TFCP2L1: variants seen among roughly 807,000 people sequenced by gnomAD.
TFCP2L1 encodes the protein transcription factor CP2-like protein 1.
A neutral mutation model predicts 72.2 loss-of-function variants in TFCP2L1; 12 were observed. The ratio of observed to expected loss-of-function variants is 0.17; its 90% CI spans 0.11 to 0.27. The LOEUF (loss-of-function observed/expected upper bound fraction) is 0.27, where lower values mean the gene tolerates loss of function less well. TFCP2L1 is among the 10% of genes least tolerant of loss of function. TFCP2L1 has a pLI of 1.00. For missense variants in TFCP2L1, 488 were observed against 624.6 expected, an observed-to-expected ratio of 0.78 and a Z score of 2.33; for synonymous variants, 260 against 251.0, an observed-to-expected ratio of 1.04 and a Z score of -0.34.
At chr2:121,238,901 C>T (rs550827301) in intron 8 of TFCP2L1, among the ~76,000 whole-genome samples, 1 of 152,060 alleles carries the variant, frequency 6.6e-6, no homozygotes, top group Non-Finnish European at 1.5e-5. Context: ...CAAGCATGGG[C>T]TCTGACGAAC....
chr2:121,256,328 A>C (rs1300892030), intron 2 of TFCP2L1, among the ~76,000 whole-genome samples: 1 of 152,220 alleles, frequency 6.6e-6, no homozygotes, highest in Non-Finnish European at 1.5e-5. Flanking sequence ...GAAACAGAAC[A>C]ATAGGAAAGA....
chr2:121,242,162 T>A (rs1401360739), intron 7 of TFCP2L1, among the ~76,000 whole-genome samples, 197 bp downstream of exon 7: 1 of 149,840 alleles, frequency 6.7e-6, no homozygotes, highest in Non-Finnish European at 1.5e-5. Context: ...GAGCTGGAAG[T>A]TATTTCTGAA....
At chr2:121,272,192 G>C (rs1687060604) in intron 2 of TFCP2L1, among the ~76,000 whole-genome samples, 1 of 152,190 alleles carries the variant, frequency 6.6e-6, no homozygotes, top group Admixed American at 6.5e-5. Flanking sequence ...TGATATAAGA[G>C]GGAAGCCTGA....
At chr2:121,255,120 A>G (rs60211735) in intron 2 of TFCP2L1, among the ~76,000 whole-genome samples, 6,564 of 152,306 alleles carry the variant, frequency 0.043, 220 homozygotes, top group East Asian at 0.13. Flanking sequence ...CATCCCACCC[A>G]GTGGGTGTCA....
rs1685947184 is a variant in TFCP2L1, at chr2:121,222,642, G to C, written c.*1699C>G. On this transcript the variant is annotated 3_prime_UTR_variant, in exon 15 of 15. Transcript: ENST00000263707. The stretch of plus-strand genomic sequence containing the variant: ...TGGCTGCCTTGGACTGCAGGAGTTA[G>C]GAAAGCAGGAGTGACAGACCAAGGG... 6.6e-6 allele frequency: 1 copy of C among 152,230 alleles called. No individual in the cohort carries two copies. The highest frequency in any genetic ancestry group is 2.4e-5 in the African/African-American group (1 of 41,448). The allele number at this position is 152,230 out of a possible 1,614,324, so 9.4% of individuals were successfully genotyped here.
At chr2:121,271,670 T>C (rs1212618500) in intron 2 of TFCP2L1, among the ~76,000 whole-genome samples, 3 of 152,250 alleles carry the variant, frequency 2.0e-5, no homozygotes, top group Admixed American at 2.0e-4. Context: ...GGGTACTTAT[T>C]GTTTGCCAGG....
intron 14 of TFCP2L1, among the ~76,000 whole-genome samples, chr2:121,224,818 TAAA>T (rs1222290158): frequency 5.9e-5 from 9 of 151,942 alleles, no homozygotes; most frequent in Non-Finnish European, 1.0e-4. Context: ...CCGTCTCTAC[TAAA>T]AAAATACAAA....
chr2:121,275,311 A>G (rs912606648), intron 2 of TFCP2L1, among the ~76,000 whole-genome samples: 3 of 143,972 alleles, frequency 2.1e-5, no homozygotes, highest in Non-Finnish European at 3.0e-5. Context: ...AGGCAGGAGA[A>G]TGGCGTGAAC....
Position 121,221,227 on chromosome 2 carries a change from T to C in TFCP2L1, c.*3114A>G, listed in dbSNP as rs1685923023. The C allele has an allele frequency of 6.6e-6, 1 of 152,152 alleles. No individual in the cohort carries two copies. The highest frequency in any genetic ancestry group is 2.4e-5 in the African/African-American group (1 of 41,430). The allele number at this position is 152,152 out of a possible 1,614,324, so 9.4% of individuals were successfully genotyped here. A position where few individuals can be genotyped will look rare whatever the true frequency, so the allele number is the denominator to read the frequency against. ...CTCATGACTCATAACAGGAAATCAT[T>C]GGTCTCAACCTTCCTCCAAGGACTA... On this transcript the variant is annotated 3_prime_UTR_variant, in exon 15 of 15. Coordinates refer to ENST00000263707, the MANE Select transcript of TFCP2L1 (RefSeq NM_014553.3).
chr2:121,255,790 T>TG (rs1433437639), intron 2 of TFCP2L1, among the ~76,000 whole-genome samples: 4 of 151,852 alleles, frequency 2.6e-5, no homozygotes, highest in Non-Finnish European at 5.9e-5. Flanking sequence ...TCGCCCAGGC[T>TG]GGAGTACAGC....
At chr2:121,227,613 G>A (rs1339746966) in intron 13 of TFCP2L1, among the ~76,000 whole-genome samples, 3 of 151,992 alleles carry the variant, frequency 2.0e-5, no homozygotes, top group African/African-American at 7.3e-5. Flanking sequence ...TGCAGGAGGC[G>A]GAGGTTGCAG....
chr2:121,276,753 A>C (rs72828963), intron 2 of TFCP2L1, among the ~76,000 whole-genome samples: 76 of 152,296 alleles, frequency 5.0e-4, no homozygotes, highest in Non-Finnish European at 9.9e-4. Flanking sequence ...AGATCTTCAT[A>C]TCACATCATA....
intron 2 of TFCP2L1, among the ~76,000 whole-genome samples, chr2:121,273,864 G>A (rs1463796022): frequency 3.9e-5 from 6 of 152,162 alleles, no homozygotes; most frequent in African/African-American, 9.7e-5. Flanking sequence ...AGGCCAAGGC[G>A]GGTGGATCAC....
intron 6 of TFCP2L1, among the ~76,000 whole-genome samples, chr2:121,245,625 G>A (rs879803881): frequency 2.6e-5 from 4 of 152,152 alleles, no homozygotes; most frequent in Non-Finnish European, 5.9e-5. Context: ...CAGGCAGCCC[G>A]GCTGTGTGGT....
intron 2 of TFCP2L1, among the ~76,000 whole-genome samples, chr2:121,257,288 T>C (rs1686746354): frequency 6.6e-6 from 1 of 151,444 alleles, no homozygotes; most frequent in East Asian, 2.0e-4. Context: ...CCCCTACAGC[T>C]ATAGCCCGAG....
intron 2 of TFCP2L1, among the ~76,000 whole-genome samples, chr2:121,271,085 G>A (rs1286980423): frequency 1.3e-5 from 2 of 151,384 alleles, no homozygotes; most frequent in Non-Finnish European, 2.9e-5. Context: ...AGCTACTTGA[G>A]AGGCTGAGGC....
intron 2 of TFCP2L1, 66 bp downstream of exon 2, chr2:121,281,054 G>A (rs908425221): frequency 3.4e-5 from 54 of 1,604,580 alleles, no homozygotes; most frequent in Non-Finnish European, 4.3e-5. Flanking sequence ...AGGCCCAAAT[G>A]GGCCTTTCGC....
At chr2:121,267,914 C>T (rs148632853) in intron 2 of TFCP2L1, among the ~76,000 whole-genome samples, 24 of 152,236 alleles carry the variant, frequency 1.6e-4, no homozygotes, top group East Asian at 5.8e-4. Flanking sequence ...GGCATGGTGG[C>T]GCACATCTGT....
chr2:121,253,264 G>A (rs1686647330), intron 2 of TFCP2L1, among the ~76,000 whole-genome samples: 1 of 152,214 alleles, frequency 6.6e-6, no homozygotes, highest in Admixed American at 6.5e-5. Context: ...TGACGCGCTG[G>A]ACGCCTTTCC....
Sources: allele counts gnomAD v4.1 joint callset (sites outside exome capture counted in the v4.1 genomes callset), GRCh38; gene constraint gnomAD v4.1.1; transcripts MANE v1.5; gene names NCBI Gene and HGNC (gene_info 2026-07-23, HGNC 2026-07-21).